GFOD2: variants seen among roughly 807,000 people sequenced by gnomAD.
GFOD2 encodes glucose-fructose oxidoreductase domain-containing protein 2.
In GFOD2, 9 loss-of-function variants were observed where a neutral mutation model predicts 24.6. The observed-to-expected ratio is 0.37, with a 90% CI of 0.22 to 0.64. GFOD2 has a LOEUF of 0.64. GFOD2 is among the 30% of genes least tolerant of loss of function. The pLI is 0.65. For synonymous variants in GFOD2, 211 were observed against 224.8 expected (o/e 0.94, Z 0.55); for missense variants, 476 against 532.5 (o/e 0.89, Z 1.04).
intron 2 of GFOD2, chr16:67,681,360 T>C (rs1184133693): frequency 2.0e-6 from 2 of 985,234 alleles, no homozygotes; most frequent in Non-Finnish European, 2.4e-6. Flanking sequence ...AAGGAATTCC[T>C]GTTTCATGCC....
chr16:67,709,504 T>C (rs1009031733), intron 1 of GFOD2, among the ~76,000 whole-genome samples: 2 of 152,034 alleles, frequency 1.3e-5, no homozygotes, highest in African/African-American at 4.8e-5. Context: ...GAGTGTACAG[T>C]CTAGGAGGAG....
At chr16:67,709,427 T>C (rs1222422682) in intron 1 of GFOD2, among the ~76,000 whole-genome samples, 1 of 152,178 alleles carries the variant, frequency 6.6e-6, no homozygotes, top group Admixed American at 6.5e-5. Flanking sequence ...GCACAGACTA[T>C]GAGCCAGGCC....
chr16:67,717,472 G>C (rs949523324), intron 1 of GFOD2, among the ~76,000 whole-genome samples: 3 of 152,146 alleles, frequency 2.0e-5, no homozygotes, highest in Non-Finnish European at 4.4e-5. Context: ...ATAGAAATCA[G>C]ATAGCAATTG....
At chr16:67,717,179 A>C (rs1206183428) in intron 1 of GFOD2, among the ~76,000 whole-genome samples, 1 of 152,192 alleles carries the variant, frequency 6.6e-6, no homozygotes, top group Non-Finnish European at 1.5e-5. Context: ...TACAGGCATG[A>C]GCTACTGCGC....
chr16:67,710,489 CGAGTAGCT>C (rs2053465910), intron 1 of GFOD2, among the ~76,000 whole-genome samples: 1 of 152,152 alleles, frequency 6.6e-6, no homozygotes. Context: ...CTCAGCCTCC[CGAGTAGCT>C]GGACTACAGG....
chr16:67,678,883 C>T (rs540223652), intron 2 of GFOD2, among the ~76,000 whole-genome samples: 55 of 152,020 alleles, frequency 3.6e-4, no homozygotes, highest in Non-Finnish European at 6.8e-4. Context: ...GATTTTAAGA[C>T]TTGGCTGGGC....
chr16:67,694,844 T>C (rs2142995440), intron 1 of GFOD2, among the ~76,000 whole-genome samples: 1 of 152,262 alleles, frequency 6.6e-6, no homozygotes, highest in Non-Finnish European at 1.5e-5. Context: ...TTGTCTCCAC[T>C]CTCTGTGACT....
intron 1 of GFOD2, among the ~76,000 whole-genome samples, chr16:67,688,206 T>TA (rs1491502644): frequency 9.9e-5 from 15 of 151,956 alleles, no homozygotes; most frequent in South Asian, 8.3e-4. Context: ...GGGTTTTTTT[T>TA]AAAAAAAGCA....
intron 1 of GFOD2, among the ~76,000 whole-genome samples, chr16:67,704,997 G>C (rs1416857346): frequency 2.0e-5 from 3 of 152,188 alleles, no homozygotes; most frequent in Non-Finnish European, 4.4e-5. Flanking sequence ...CTACTTTTCT[G>C]AGACCCGTGG....
chr16:67,696,428 T>C (rs1194076564), intron 1 of GFOD2, among the ~76,000 whole-genome samples: 1 of 151,916 alleles, frequency 6.6e-6, no homozygotes, highest in African/African-American at 2.4e-5. Context: ...CAATATGAAG[T>C]GAAAAATATA....
intron 2 of GFOD2, chr16:67,682,356 A>G (rs2053233172): frequency 2.0e-6 from 2 of 985,346 alleles, no homozygotes; most frequent in Non-Finnish European, 1.2e-6. Context: ...GTGTTTTTCT[A>G]ATGAACCACA....
chr16:67,680,387 C>G (rs1324565665), intron 2 of GFOD2: 1 of 152,210 alleles, frequency 6.6e-6, no homozygotes, highest in African/African-American at 2.4e-5. Flanking sequence ...GATGACACAG[C>G]AAGACTCTGT....
At chr16:67,713,130 C>T (rs1182955193) in intron 1 of GFOD2, among the ~76,000 whole-genome samples, 1 of 150,406 alleles carries the variant, frequency 6.6e-6, no homozygotes, top group African/African-American at 2.5e-5. Flanking sequence ...GTGATCCGCC[C>T]ACCTCGGCCT....
intron 1 of GFOD2, among the ~76,000 whole-genome samples, chr16:67,716,105 C>A (rs572497391): frequency 1.4e-4 from 22 of 152,336 alleles, no homozygotes; most frequent in South Asian, 8.3e-4. Context: ...CTCTCTGATC[C>A]TGTGTTTTCT....
intron 1 of GFOD2, among the ~76,000 whole-genome samples, chr16:67,716,123 G>A (rs2053504436): frequency 6.6e-6 from 1 of 152,138 alleles, no homozygotes; most frequent in Non-Finnish European, 1.5e-5. Flanking sequence ...TCTGAACACC[G>A]ACCTCTGCAT....
At chr16:67,676,742 G>A (rs919458561) in intron 2 of GFOD2, 1 of 152,284 alleles carries the variant, frequency 6.6e-6, no homozygotes, top group African/African-American at 2.4e-5. Flanking sequence ...AGGGAAGGAA[G>A]TGAGAATACC....
At position 67,674,743 on chromosome 16, in the gene GFOD2, T is replaced by G. The variant is rs1343221498; in HGVS notation, c.*412A>C. The G allele has an allele frequency of 5.9e-6, 1 of 168,128 alleles. No homozygotes were observed. Among genetic ancestry groups the G allele is most frequent in the Non-Finnish European group, 1.3e-5 (1 of 78,040 alleles). 10.4% of individuals were successfully genotyped at this position (168,128 alleles called of 1,614,324 possible). On this transcript the variant is annotated 3_prime_UTR_variant, in exon 3 of 3. Coordinates refer to ENST00000268797, the MANE Select transcript of GFOD2 (RefSeq NM_030819.4). ...GACAGCTTGTTGCCCTCACTGTTCC[T>G]GAGATGCCCCAGCCCAAGAACGAAA... is the stretch of plus-strand genomic sequence containing the variant.
At chr16:67,703,054 T>A (rs1271300388) in intron 1 of GFOD2, among the ~76,000 whole-genome samples, 1 of 152,184 alleles carries the variant, frequency 6.6e-6, no homozygotes, top group Non-Finnish European at 1.5e-5. Flanking sequence ...TGCCTAAGAA[T>A]TCTTCTTTCC....
At chr16:67,685,297 G>A (rs1285826854) in intron 2 of GFOD2, 160 bp downstream of exon 2, 1 of 1,450,706 alleles carries the variant, frequency 6.9e-7, no homozygotes, top group East Asian at 2.5e-5. Context: ...CTTTTTTCAT[G>A]CCCTCCCCAA....
Sources: gnomAD v4.1 joint callset for allele counts (sites outside exome capture counted in the v4.1 genomes callset) on GRCh38, gnomAD v4.1.1 for gene constraint, MANE v1.5 for transcripts, NCBI Gene and HGNC (gene_info 2026-07-23, HGNC 2026-07-21) for gene names.